AMACR: variants seen among roughly 807,000 people sequenced by gnomAD.
AMACR encodes the protein alpha-methylacyl-CoA racemase.
A neutral mutation model predicts 22.2 loss-of-function variants in AMACR; 18 were observed. The ratio of observed to expected loss-of-function variants is 0.81; its 90% CI spans 0.56 to 1.20. The LOEUF (loss-of-function observed/expected upper bound fraction) is 1.20. Among genes scored for constraint, AMACR ranks in the 50% most tolerant of loss-of-function variants. AMACR has a pLI of 0.00. For synonymous variants in AMACR, 213 were observed against 191.3 expected, an observed-to-expected ratio of 1.11 and a Z score of -0.94; for missense variants, 499 against 490.6, an observed-to-expected ratio of 1.02 and a Z score of -0.16.
At position 34,005,747 on chromosome 5, in the gene AMACR, T is replaced by C; in HGVS notation, c.391+9A>G. Reference sequence around the variant, plus strand: ...TTAAAAGTGTAGACTAAATTTTTTTTCAACATACCTGACAAAGCCAAATAG... The same window carrying C: ...TTAAAAGTGTAGACTAAATTTTTTTCCAACATACCTGACAAAGCCAAATAG... On this transcript the variant is annotated intron_variant, in intron 2 of 4. Coordinates refer to ENST00000335606, the MANE Select transcript of AMACR (RefSeq NM_014324.6). 6.2e-7 allele frequency: 1 copy of C among 1,613,978 alleles called. No individual in the cohort carries two copies. Among genetic ancestry groups the C allele is most frequent in the Non-Finnish European group, 8.5e-7 (1 of 1,180,016 alleles).
At chr5:34,004,468 T>G (rs557957370) in intron 3 of AMACR, 106 bp downstream of exon 3, 2 of 1,483,664 alleles carry the variant, frequency 1.3e-6, no homozygotes, top group African/African-American at 2.8e-5. Flanking sequence ...GCTTGAAACT[T>G]CAAATGTCAT....
rs1159562830 is a variant in AMACR, at chr5:33,988,433, G to C, written c.*660C>G. On this transcript the variant is annotated 3_prime_UTR_variant, in exon 5 of 5. Transcript: ENST00000335606. The stretch of plus-strand genomic sequence containing the variant: ...AGACCCACGGGGAAACAGGCCCCGA[G>C]TTACTGGATACAGGCAACCCTAAAA... 1.3e-6 allele frequency: 2 copies of C among 1,535,454 alleles called. No individual in the cohort carries two copies. The highest frequency in any genetic ancestry group is 1.7e-6 in the Non-Finnish European group (2 of 1,146,054).
chr5:34,000,390 G>A (rs2112059187), intron 3 of AMACR, among the ~76,000 whole-genome samples: 1 of 152,338 alleles, frequency 6.6e-6, no homozygotes, highest in East Asian at 1.9e-4. Flanking sequence ...CAAAGAATGT[G>A]AGAAGTTTTT....
chr5:33,990,712 T>A (rs1179857677), intron 4 of AMACR, among the ~76,000 whole-genome samples: 1 of 152,240 alleles, frequency 6.6e-6, no homozygotes, highest in East Asian at 1.9e-4. Context: ...TTCTGTAGCA[T>A]GTTGACAATC....
chr5:34,003,319 A>G (rs1753875827), intron 3 of AMACR, among the ~76,000 whole-genome samples: 1 of 152,220 alleles, frequency 6.6e-6, no homozygotes, highest in Non-Finnish European at 1.5e-5. Flanking sequence ...GAAAAGACCA[A>G]AACTGAGTTC....
chr5:33,994,590 A>C (rs1429494676), intron 4 of AMACR, among the ~76,000 whole-genome samples: 2 of 152,208 alleles, frequency 1.3e-5, no homozygotes, highest in Admixed American at 6.5e-5. Context: ...TAAAAGAAAG[A>C]GAATGCTGAG....
chr5:34,005,370 G>A (rs1026653595), intron 2 of AMACR, among the ~76,000 whole-genome samples: 2 of 152,144 alleles, frequency 1.3e-5, no homozygotes, highest in Non-Finnish European at 1.5e-5. Flanking sequence ...CAATATGGTG[G>A]GTGGAGATTT....
At chr5:33,997,294 C>T (rs764401388) in intron 4 of AMACR, 1 of 773,072 alleles carries the variant, frequency 1.3e-6, no homozygotes, top group African/African-American at 1.7e-5. Flanking sequence ...GTGAAGGAAA[C>T]TGAAGCATCC....
intron 4 of AMACR, among the ~76,000 whole-genome samples, chr5:33,995,528 G>C (rs1753607759): frequency 6.6e-6 from 1 of 152,222 alleles, no homozygotes. Context: ...TAGTGCATAA[G>C]TGCTTAATTA....
At chr5:34,005,732 A>C (rs777819441) in intron 2 of AMACR, 24 bp downstream of exon 2, 1 of 1,613,386 alleles carries the variant, frequency 6.2e-7, no homozygotes, top group African/African-American at 1.3e-5. Context: ...TTAAAAGTGT[A>C]GACTAAATTT....
intron 1 of AMACR, among the ~76,000 whole-genome samples, chr5:34,006,759 A>G (rs746928518): frequency 6.6e-6 from 1 of 152,272 alleles, no homozygotes; most frequent in Non-Finnish European, 1.5e-5. Context: ...GGGTTAAATG[A>G]GTTAACGCAT....
At chr5:33,996,342 A>G (rs993245244) in intron 4 of AMACR, among the ~76,000 whole-genome samples, 4 of 152,162 alleles carry the variant, frequency 2.6e-5, no homozygotes, top group African/African-American at 9.7e-5. Context: ...TGAGAAGGCA[A>G]CGCACACGTA....
chr5:34,007,753 C>A lies in AMACR; in HGVS notation c.247+20G>T, dbSNP rs9282595. 1 of 1,534,860 alleles carries A rather than the reference C, an allele frequency of 6.5e-7. No individual in the cohort carries two copies. On this transcript the variant is annotated intron_variant, in intron 1 of 4. Coordinates refer to ENST00000335606, the MANE Select transcript of AMACR (RefSeq NM_014324.6). ...CTCCGCGGGAACTTCCCGAGAGCAG[C>A]CCGCGGGGCCCGGGCTCACCGCGGC...
chr5:33,990,661 G>T (rs1446263413), intron 4 of AMACR, among the ~76,000 whole-genome samples: 2 of 152,210 alleles, frequency 1.3e-5, no homozygotes, highest in Non-Finnish European at 2.9e-5. Flanking sequence ...TGTAAGTTTA[G>T]CCAAGTTAAT....
At chr5:33,991,685 ATTC>A (rs1753478091) in intron 4 of AMACR, among the ~76,000 whole-genome samples, 2 of 151,498 alleles carry the variant, frequency 1.3e-5, no homozygotes, top group Non-Finnish European at 2.9e-5. Flanking sequence ...AGTTGTAAGT[ATTC>A]AATGATATAT....
At position 33,989,278 on chromosome 5, in the gene AMACR, C is replaced by A; in HGVS notation, c.964G>T (p.Asp322Tyr). The A allele has an allele frequency of 6.2e-7, 1 of 1,614,094 alleles. No individual in the cohort carries two copies. Among genetic ancestry groups the A allele is most frequent in the Non-Finnish European group, 8.5e-7 (1 of 1,180,000 alleles). The change falls in exon 5 of 5, where the codon GAC becomes TAC. Residue 322 changes from aspartate (D) to tyrosine (Y), a missense_variant. Coordinates refer to ENST00000335606, the MANE Select transcript of AMACR (RefSeq NM_014324.6). ...RGSFITSEEQ[D>Y]VSPRPAPLLL... ...AGAGGTGCAGGGCGGGGGCTCACGT[C>A]CTGCTCCTCACTGGTGATAAACGAG...
At position 34,008,043 on chromosome 5, in the gene AMACR, A is replaced by G; in HGVS notation, c.-24T>C. ...ATGGCGCTTCCCAGTGCCCCGCTGA[A>G]GGAAACTGAGCAGCCCTTAGCCCCA... On this transcript the variant is annotated 5_prime_UTR_variant, in exon 1 of 5. Transcript: ENST00000335606. 1.2e-6 allele frequency: 2 copies of G among 1,607,710 alleles called. No homozygotes were observed. Among genetic ancestry groups the G allele is most frequent in the African/African-American group, 1.3e-5 (1 of 74,984 alleles).
At chr5:34,002,379 A>G (rs752052144) in intron 3 of AMACR, among the ~76,000 whole-genome samples, 1 of 152,204 alleles carries the variant, frequency 6.6e-6, no homozygotes, top group African/African-American at 2.4e-5. Flanking sequence ...TTTATATTTG[A>G]TGATAATCAA....
At chr5:33,999,820 A>AAATAGCTGAG (rs1753758116) in intron 3 of AMACR, among the ~76,000 whole-genome samples, 1 of 152,178 alleles carries the variant, frequency 6.6e-6, no homozygotes, top group Non-Finnish European at 1.5e-5. Context: ...TGGCTGTGAC[A>AAATAGCTGAG]TTTATTGTCA....
Sources: gnomAD v4.1 joint callset for allele counts (sites outside exome capture counted in the v4.1 genomes callset) on GRCh38, gnomAD v4.1.1 for gene constraint, MANE v1.5 for transcripts, NCBI Gene and HGNC (gene_info 2026-07-23, HGNC 2026-07-21) for gene names.